The following PHTF2 variants were observed in gnomAD, a reference collection of about 807,000 sequenced individuals.
PHTF2 encodes putative homeodomain transcription factor 2.
In PHTF2, 60 loss-of-function variants were observed where a neutral mutation model predicts 101.2. The ratio of observed to expected loss-of-function variants is 0.59; its 90% CI spans 0.48 to 0.73. PHTF2 has a LOEUF of 0.73. PHTF2 is among the 30% of genes least tolerant of loss of function. The pLI is 0.00. For synonymous variants in PHTF2, 311 were observed against 307.3 expected (o/e 1.01, Z -0.13); for missense variants, 747 against 908.7 (o/e 0.82, Z 2.29).
At chr7:77,909,426 G>A (rs1802168344) in intron 8 of PHTF2, 1 of 152,258 alleles carries the variant, frequency 6.6e-6, no homozygotes, top group Non-Finnish European at 1.5e-5. Context: ...CCAGGCTGGA[G>A]TCCAGCTCAC....
intron 16 of PHTF2, among the ~76,000 whole-genome samples, chr7:77,946,296 G>A (rs1806044274): frequency 6.6e-6 from 1 of 152,142 alleles, no homozygotes; most frequent in Non-Finnish European, 1.5e-5. Context: ...ATCTGATAAA[G>A]TATATCTTTT....
chr7:77,825,974 A>G (rs1794670187), intron 1 of PHTF2, among the ~76,000 whole-genome samples: 1 of 152,210 alleles, frequency 6.6e-6, no homozygotes, highest in Non-Finnish European at 1.5e-5. Context: ...TCCAGACAAA[A>G]GCTTTTGAAA....
chr7:77,944,354 C>T (rs1393310934), intron 16 of PHTF2, among the ~76,000 whole-genome samples: 1 of 152,190 alleles, frequency 6.6e-6, no homozygotes, highest in East Asian at 1.9e-4. Context: ...ACAGTCTGCT[C>T]ACCAGCACTG....
At chr7:77,884,814 G>A (rs1400038402) in intron 3 of PHTF2, among the ~76,000 whole-genome samples, 4 of 152,226 alleles carry the variant, frequency 2.6e-5, no homozygotes, top group East Asian at 1.9e-4. Context: ...CAGGAGAATC[G>A]CTTGAACCTG....
At chr7:77,817,049 A>G (rs995079877) in intron 1 of PHTF2, among the ~76,000 whole-genome samples, 3 of 152,190 alleles carry the variant, frequency 2.0e-5, no homozygotes, top group African/African-American at 7.2e-5. Flanking sequence ...TGTCTCATCA[A>G]TATACTGATT....
chr7:77,807,381 T>A (rs960685101), intron 1 of PHTF2, among the ~76,000 whole-genome samples: 3 of 152,186 alleles, frequency 2.0e-5, no homozygotes, highest in Non-Finnish European at 4.4e-5. Flanking sequence ...TGTTTTTTTT[T>A]TATGATAGCC....
intron 3 of PHTF2, among the ~76,000 whole-genome samples, chr7:77,855,007 C>T (rs1797063000): frequency 6.6e-6 from 1 of 152,188 alleles, no homozygotes; most frequent in African/African-American, 2.4e-5. Flanking sequence ...AAGACGAAGT[C>T]CCCCTTTCTC....
chr7:77,885,349 G>A (rs1799744257), intron 3 of PHTF2, among the ~76,000 whole-genome samples: 1 of 152,132 alleles, frequency 6.6e-6, no homozygotes, highest in Non-Finnish European at 1.5e-5. Flanking sequence ...CTCCTGCCTT[G>A]GCCTTGCCTT....
chr7:77,928,555 C>T (rs986112110), intron 11 of PHTF2, among the ~76,000 whole-genome samples: 3 of 152,004 alleles, frequency 2.0e-5, no homozygotes, highest in Admixed American at 6.6e-5. Flanking sequence ...GGTAGATATC[C>T]GGCCCTTCTA....
intron 12 of PHTF2, among the ~76,000 whole-genome samples, chr7:77,933,388 A>C (rs1374827674): frequency 2.6e-5 from 4 of 152,242 alleles, no homozygotes; most frequent in Non-Finnish European, 4.4e-5. Context: ...TGATAAATTT[A>C]AGGATAGGTG....
chr7:77,807,885 A>G lies in PHTF2; in HGVS notation c.-36+8914A>G, dbSNP rs566614903. On this transcript the variant is annotated intron_variant, in intron 1 of 19. Transcript: ENST00000416283. ...TGAGTTAAGTTTTGTAGAGGGTGTA[A>G]GATAAAGGTCCACCTTCATTTTTTG... is the stretch of plus-strand genomic sequence containing the variant. 1.1e-3 allele frequency among the ~76,000 whole-genome samples: 164 copies of G among 152,250 alleles called. 2 individuals are homozygous for G. The highest frequency in any genetic ancestry group is 3.4e-3 in the Middle Eastern group (1 of 294).
Position 77,841,236 on chromosome 7 carries a change from T to C in PHTF2, c.45+936T>C, listed in dbSNP as rs571046292. Reference sequence around the variant, plus strand: ...CTGGGATTACAGGCATATGCTACCATGCCTGGCTAATTTTTGTATATTTAG... The same window carrying C: ...CTGGGATTACAGGCATATGCTACCACGCCTGGCTAATTTTTGTATATTTAG... On this transcript the variant is annotated intron_variant, in intron 2 of 19. Transcript: ENST00000416283. 1.5e-4 allele frequency among the ~76,000 whole-genome samples: 22 copies of C among 151,668 alleles called. No individual in the cohort carries two copies. In the South Asian group the frequency reaches 4.6e-3, roughly 32 times the overall value.
chr7:77,854,819 C>T (rs1161697826), exon 3 of PHTF2: 2 of 758,940 alleles, frequency 2.6e-6, no homozygotes, highest in Non-Finnish European at 4.8e-6. Flanking sequence ...ACCAAGGGCT[C>T]TTCATTCAGT....
chr7:77,939,568 C>T (rs1217220273), intron 13 of PHTF2, among the ~76,000 whole-genome samples: 1 of 112,098 alleles, frequency 8.9e-6, no homozygotes. Flanking sequence ...CCAGCCTGGG[C>T]AATAGAGTGA....
chr7:77,934,265 T>G (rs569880800), intron 12 of PHTF2, among the ~76,000 whole-genome samples: 3 of 152,350 alleles, frequency 2.0e-5, no homozygotes, highest in Non-Finnish European at 4.4e-5. Flanking sequence ...TATCTTTATT[T>G]CATTGTTTTA....
rs1158677069 is a variant in PHTF2, at chr7:77,935,214, C to CTTT, written c.1339-2472_1339-2470dup. The stretch of plus-strand genomic sequence containing the variant: ...CACAACATTGAACATGTAATTTACC[C>CTTT]TTTTTTTTTTTTTTTTTTTTTTTTT... On this transcript the variant is annotated intron_variant, in intron 12 of 19. Coordinates refer to ENST00000416283, the Ensembl canonical transcript of PHTF2. 6.2e-4 allele frequency among the ~76,000 whole-genome samples: 37 copies of CTTT among 59,250 alleles called. 1 individual carries two copies. Among genetic ancestry groups the CTTT allele is most frequent in the African/African-American group, 1.3e-3 (23 of 17,792 alleles). 38.9% of individuals were successfully genotyped at this position (59,250 alleles called of 152,430 possible).
At chr7:77,929,070 C>A in intron 11 of PHTF2, 39 bp from the exon 11 acceptor site, 2 of 1,454,432 alleles carry the variant, frequency 1.4e-6, no homozygotes, top group East Asian at 2.3e-5. Flanking sequence ...GGAAAGAGTA[C>A]ATAAATTGTA....
At chr7:77,930,536 A>C (rs77367572) in intron 12 of PHTF2, among the ~76,000 whole-genome samples, 1 of 152,192 alleles carries the variant, frequency 6.6e-6, no homozygotes, top group Admixed American at 6.5e-5. Context: ...CAAACCAAGT[A>C]AAGTCAGAAA....
chr7:77,817,239 G>T (rs1482072707), intron 1 of PHTF2, among the ~76,000 whole-genome samples: 1 of 151,842 alleles, frequency 6.6e-6, no homozygotes, highest in Non-Finnish European at 1.5e-5. Context: ...TTATTTTCTT[G>T]TTTTTTTGAC....
Sources: gnomAD v4.1 joint callset for allele counts (sites outside exome capture counted in the v4.1 genomes callset) on GRCh38, gnomAD v4.1.1 for gene constraint, MANE v1.5 for transcripts, NCBI Gene and HGNC (gene_info 2026-07-23, HGNC 2026-07-21) for gene names.